Variants in FAM228B observed in about 807,000 individuals in gnomAD.
FAM228B encodes protein FAM228B.
FAM228B carries 38 observed loss-of-function variants against 42.6 expected under a neutral mutation model. The observed-to-expected ratio is 0.89, with a 90% CI of 0.69 to 1.17. The LOEUF is 1.17. Ranked by LOEUF, FAM228B falls within the 50% of genes most tolerant of loss-of-function variation. The pLI, the probability that FAM228B is intolerant of heterozygous loss-of-function variation, is 0.00. For missense variants in FAM228B, 344 were observed against 367.3 expected (o/e 0.94, Z 0.52); for synonymous variants, 109 against 122.3 (o/e 0.89, Z 0.72).
rs563886323 is a variant in FAM228B at position 24,081,987 on chromosome 2, G to A, written c.-210+1032G>A. Among the ~76,000 whole-genome samples the A allele has an allele frequency of 8.1e-4, 123 of 151,192 alleles. 1 individual carries two copies. The highest frequency in any genetic ancestry group is 2.5e-3 in the African/African-American group (102 of 41,142). On this transcript the variant is annotated intron_variant, in intron 2 of 10. Coordinates refer to the FAM228B transcript ENST00000613899. ...TGGGATTACAGGCGTGAGCCACCAC[G>A]CCCAGCCTACTCTTTCTTTTTCTTT... is the stretch of plus-strand genomic sequence containing the variant.
chr2:24,123,710 G>A (rs1376938371), intron 1 of FAM228B, among the ~76,000 whole-genome samples, 177 bp downstream of exon 1: 1 of 151,528 alleles, frequency 6.6e-6, no homozygotes. Flanking sequence ...CGCCAGGCCG[G>A]GCGGTCCCCG....
At chr2:24,107,744 T>C (rs1665724512) in intron 3 of FAM228B, among the ~76,000 whole-genome samples, 1 of 152,114 alleles carries the variant, frequency 6.6e-6, no homozygotes, top group Non-Finnish European at 1.5e-5. Context: ...AACAAAGATA[T>C]GACATACAAG....
At chr2:24,120,673 A>G (rs1666083463), upstream of FAM228B, among the ~76,000 whole-genome samples, 1 of 152,042 alleles carries the variant, frequency 6.6e-6, no homozygotes, top group Non-Finnish European at 1.5e-5. Flanking sequence ...CTCCTGCCTC[A>G]GCCTCCCAAG....
At chr2:24,114,255 G>A in intron 3 of FAM228B, among the ~76,000 whole-genome samples, 1 of 152,082 alleles carries the variant, frequency 6.6e-6, no homozygotes, top group Non-Finnish European at 1.5e-5. Context: ...TGAATCTGGG[G>A]GACAAAAAGA....
At position 24,095,916 on chromosome 2, in the gene FAM228B, A is replaced by G. The variant is rs1665488421; in HGVS notation, c.-121+687A>G. On this transcript the variant is annotated intron_variant, in intron 3 of 10. Coordinates refer to the FAM228B transcript ENST00000613899. This position sits in a 1 kb window ranked among gnomAD's most constrained non-coding sequence, Gnocchi z 4.8. ...CTGGGACGAAGCTTCCAGAGGAAGG[A>G]TCAGGAAGTAGTATTTGCTGTTCTG... The G allele has an allele frequency of 6.6e-6, 1 of 152,378 alleles. No individual in the cohort carries two copies. 9.4% of individuals were successfully genotyped at this position (152,378 alleles called of 1,614,324 possible).
At position 24,094,665 on chromosome 2, in the gene FAM228B, C is replaced by T. The variant is rs533081326; in HGVS notation, c.-209-476C>T. 5.9e-5 allele frequency among the ~76,000 whole-genome samples: 9 copies of T among 152,176 alleles called. No homozygotes were observed. The East Asian group carries it at 1.7e-3, about 29-fold the overall frequency. On this transcript the variant is annotated intron_variant, in intron 2 of 10. Transcript: ENST00000613899. ...ATGCCTGGCTAATTTTTCTGTTTTT[C>T]GTAGAGACAGTCTCACTATGTTGCC...
At chr2:24,106,325 T>C (rs1417595826) in intron 3 of FAM228B, among the ~76,000 whole-genome samples, 1 of 147,914 alleles carries the variant, frequency 6.8e-6, no homozygotes, top group East Asian at 2.0e-4. Context: ...TCTTTTTTTT[T>C]TTTTTTTTTT....
intron 3 of FAM228B, 43 bp from the exon 4 acceptor site, chr2:24,137,866 G>A (rs1558386623): frequency 1.4e-6 from 2 of 1,397,472 alleles, no homozygotes; most frequent in South Asian, 2.9e-5. Flanking sequence ...GAACAAGAAA[G>A]CTTTAGGATA....
chr2:24,111,861 CA>C (rs34137148), intron 3 of FAM228B, among the ~76,000 whole-genome samples: 7 of 151,222 alleles, frequency 4.6e-5, no homozygotes, highest in African/African-American at 1.7e-4. Context: ...TCCCATCTGC[CA>C]AAAAAAACCC....
chr2:24,134,567 G>A (rs2151017558), intron 2 of FAM228B, among the ~76,000 whole-genome samples: 1 of 152,346 alleles, frequency 6.6e-6, no homozygotes, highest in African/African-American at 2.4e-5. Flanking sequence ...CTCTGGAAAA[G>A]ACATTTGAAC....
intron 3 of FAM228B, among the ~76,000 whole-genome samples, chr2:24,099,285 G>C (rs1288943249): frequency 6.6e-6 from 1 of 152,200 alleles, no homozygotes; most frequent in East Asian, 1.9e-4. Flanking sequence ...AATCAGGCAA[G>C]AGAAGGAAAT....
chr2:24,167,177 TTCCAGGCCAGGTGAGAGCGAGGGC>T (rs1667440007), intron 9 of FAM228B, among the ~76,000 whole-genome samples: 1 of 151,984 alleles, frequency 6.6e-6, no homozygotes, highest in African/African-American at 2.4e-5. Context: ...CAGTTGAGGG[TTCCAGGCCAGGTGAGAGCGAGGGC>T]TCCAGGCTCC....
At chr2:24,121,073 C>G, upstream of FAM228B, 1 of 1,492,726 alleles carries the variant, frequency 6.7e-7, no homozygotes, top group Non-Finnish European at 9.1e-7. Context: ...TGGATTTAAT[C>G]TGTTTTACAG....
intron 3 of FAM228B, among the ~76,000 whole-genome samples, chr2:24,112,020 T>C (rs982575385): frequency 1.3e-5 from 2 of 152,222 alleles, no homozygotes; most frequent in Non-Finnish European, 2.9e-5. Context: ...CAAAGAATTA[T>C]GTAAAAGTTC....
intron 2 of FAM228B, among the ~76,000 whole-genome samples, chr2:24,092,218 C>CAAAAA (rs34189159): frequency 6.7e-5 from 2 of 29,998 alleles, no homozygotes; most frequent in African/African-American, 3.3e-4. Context: ...GACTCTGTCT[C>CAAAAA]AAAAAAAAAA....
In FAM228B at chr2:24,084,141, G is replaced by A. The variant is rs1665142104; in HGVS notation, c.-210+3186G>A. ...AATGTCCACTGAGTGCTGTTGAGAG[G>A]GAGGCTCTGGAGTCCCGCCCGCCCC... is the stretch of plus-strand genomic sequence containing the variant. On this transcript the variant is annotated intron_variant, in intron 2 of 10. Transcript: ENST00000613899. This position sits in a 1 kb window ranked among gnomAD's most constrained non-coding sequence, Gnocchi z 8.4. 3 of 1,572,588 alleles carry A rather than the reference G, an allele frequency of 1.9e-6. No individual in the cohort carries two copies. The highest frequency in any genetic ancestry group is 1.2e-5 in the South Asian group (1 of 84,854).
chr2:24,124,750 T>C (rs1193800805), intron 2 of FAM228B, among the ~76,000 whole-genome samples: 2 of 152,228 alleles, frequency 1.3e-5, no homozygotes, highest in African/African-American at 2.4e-5. Context: ...GATGTATTTA[T>C]TTATTTATTT....
chr2:24,158,645 A>G lies in FAM228B; in HGVS notation c.687-2861A>G, dbSNP rs1667216042. Among the ~76,000 whole-genome samples the G allele has an allele frequency of 2.6e-5, 4 of 152,288 alleles. No homozygotes were observed. The South Asian group carries it at 8.3e-4, about 32-fold the overall frequency. The stretch of plus-strand genomic sequence containing the variant: ...GATCACTGAAGAGTTTTTTTAAAAA[A>G]TAGGAATCCACATTTTTGGTAATAA... On this transcript the variant is annotated intron_variant, in intron 7 of 10. Transcript: ENST00000615575.
In FAM228B at chr2:24,169,235, C is replaced by T. The variant is rs149239893; in HGVS notation, c.*15-121C>T. On this transcript the variant is annotated intron_variant, in intron 10 of 10. Transcript: ENST00000615575. The surrounding 1 kb of genome is among the most constrained non-coding windows in gnomAD (Gnocchi z 4.2). ...GACCCTGCCTGAGAGATGAGTCACT[C>T]GGCTCTGGCAGGACAGGCTTCAGGG... The T allele has an allele frequency of 6.5e-5, 22 of 340,110 alleles. No individual in the cohort carries two copies. The East Asian group carries it at 1.4e-3, about 21-fold the overall frequency. 21.1% of individuals were successfully genotyped at this position (340,110 alleles called of 1,614,324 possible).
Sources: allele counts gnomAD v4.1 joint callset (sites outside exome capture counted in the v4.1 genomes callset), GRCh38; gene constraint gnomAD v4.1.1; non-coding constraint Gnocchi (gnomAD v3.1); transcripts MANE v1.5; gene names NCBI Gene and HGNC (gene_info 2026-07-23, HGNC 2026-07-21).